Variants in KHDRBS2 observed in about 807,000 individuals in gnomAD.
The protein encoded by KHDRBS2 is KH RNA binding domain containing, signal transduction associated 2, also known as KH domain-containing, RNA-binding, signal transduction-associated protein 2.
A neutral mutation model predicts 44.3 loss-of-function variants in KHDRBS2; 26 were observed. That is an observed-to-expected ratio of 0.59 (90% CI 0.43 to 0.81). The LOEUF (loss-of-function observed/expected upper bound fraction) is 0.81. KHDRBS2 is among the 40% of genes least tolerant of loss of function. The probability of loss-of-function intolerance (pLI) is 0.00; values close to 1 mark genes in which losing one functional copy is unlikely to be tolerated. For missense variants in KHDRBS2, 476 were observed against 433.1 expected (o/e 1.10, Z -0.88); for synonymous variants, 194 against 151.1 (o/e 1.28, Z -2.08).
chr6:61,708,673 G>A (rs923764377), intron 7 of KHDRBS2, among the ~76,000 whole-genome samples: 2 of 151,482 alleles, frequency 1.3e-5, no homozygotes, highest in African/African-American at 4.8e-5. Context: ...CAAAATTAAC[G>A]AGTACACTAA....
At chr6:61,650,981 T>C in the KHDRBS2 span, among the ~76,000 whole-genome samples, 1 of 152,162 alleles carries the variant, frequency 6.6e-6, no homozygotes, top group African/African-American at 2.4e-5. Context: ...CTATTTCCAA[T>C]GTGTACATTC....
intron 2 of KHDRBS2, among the ~76,000 whole-genome samples, chr6:62,150,259 G>A (rs1375979472): frequency 6.6e-6 from 1 of 151,848 alleles, no homozygotes; most frequent in Non-Finnish European, 1.5e-5. Context: ...GCCACCATGT[G>A]GCTGGTGACA....
At chr6:61,790,057 A>T (rs533023649) in intron 6 of KHDRBS2, among the ~76,000 whole-genome samples, 1 of 151,488 alleles carries the variant, frequency 6.6e-6, no homozygotes, top group African/African-American at 2.4e-5. Context: ...TGACTCAGGC[A>T]TATAACCCCC....
chr6:62,116,411 A>T (rs1231922320), intron 2 of KHDRBS2, among the ~76,000 whole-genome samples: 1 of 152,088 alleles, frequency 6.6e-6, no homozygotes, highest in East Asian at 1.9e-4. Context: ...AATTCTGCAT[A>T]TAAATGAGTC....
At chr6:61,824,760 T>C (rs1184066829) in intron 6 of KHDRBS2, among the ~76,000 whole-genome samples, 2 of 152,196 alleles carry the variant, frequency 1.3e-5, no homozygotes, top group East Asian at 3.8e-4. Context: ...TTGTTATAGA[T>C]AACAGTATAA....
intron 6 of KHDRBS2, among the ~76,000 whole-genome samples, chr6:61,780,462 G>T (rs1292167099): frequency 6.6e-6 from 1 of 152,134 alleles, no homozygotes; most frequent in Non-Finnish European, 1.5e-5. Context: ...GTACACTTCA[G>T]CCTGGGCGAC....
intron 6 of KHDRBS2, among the ~76,000 whole-genome samples, chr6:61,856,713 G>A (rs772431630): frequency 4.6e-5 from 7 of 151,930 alleles, no homozygotes; most frequent in African/African-American, 1.2e-4. Context: ...TTGTAAAACC[G>A]TCATAGCCTG....
Position 62,062,951 on chromosome 6 carries a change from C to A in KHDRBS2, c.220-14957G>T, listed in dbSNP as rs1000535864. Among the ~76,000 whole-genome samples, 87 of 150,724 alleles carry A rather than the reference C, an allele frequency of 5.8e-4. 1 individual carries two copies. Among genetic ancestry groups the A allele is most frequent in the Non-Finnish European group, 1.1e-3 (75 of 67,456 alleles). ...ATAAAAAATGATAAAGGGGATATCA[C>A]CACCGATCCCACAGAAATACAAACT... On this transcript the variant is annotated intron_variant, in intron 2 of 8. Coordinates refer to ENST00000281156, the MANE Select transcript of KHDRBS2 (RefSeq NM_152688.4).
the KHDRBS2 span, among the ~76,000 whole-genome samples, chr6:61,545,501 C>CTCTGTGTGTGTGTGTGTGTGTG: frequency 6.7e-6 from 1 of 148,334 alleles, no homozygotes; most frequent in Non-Finnish European, 1.5e-5. Flanking sequence ...TAGCTAATCT[C>CTCTGTGTGTGTGTGTGTGTGTG]TGTGTGTGTG....
At chr6:62,006,323 T>C (rs1205513561) in intron 3 of KHDRBS2, among the ~76,000 whole-genome samples, 3 of 151,982 alleles carry the variant, frequency 2.0e-5, no homozygotes, top group Admixed American at 6.6e-5. Flanking sequence ...AAGTTATATA[T>C]GCAAAAATGA....
At chr6:62,172,975 T>C (rs936349649) in intron 2 of KHDRBS2, among the ~76,000 whole-genome samples, 1 of 151,758 alleles carries the variant, frequency 6.6e-6, no homozygotes, top group South Asian at 2.1e-4. Context: ...AATGCCCATA[T>C]CACATAACTA....
At chr6:61,883,096 T>A (rs1160455966) in intron 6 of KHDRBS2, among the ~76,000 whole-genome samples, 1 of 152,118 alleles carries the variant, frequency 6.6e-6, no homozygotes, top group East Asian at 1.9e-4. Context: ...GCATAGCTTT[T>A]TAGGAATATA....
chr6:61,765,849 G>C (rs1397601430), intron 6 of KHDRBS2, among the ~76,000 whole-genome samples: 2 of 152,072 alleles, frequency 1.3e-5, no homozygotes, highest in Non-Finnish European at 2.9e-5. Context: ...CATGATGAAT[G>C]ATCTTTTTAG....
chr6:61,939,503 C>T (rs1749556793), intron 4 of KHDRBS2, among the ~76,000 whole-genome samples: 1 of 151,878 alleles, frequency 6.6e-6, no homozygotes, highest in Non-Finnish European at 1.5e-5. Flanking sequence ...TGCTTGTCAG[C>T]AGTAGAATTT....
At chr6:62,133,173 T>G (rs7749735) in intron 2 of KHDRBS2, among the ~76,000 whole-genome samples, 1 of 152,092 alleles carries the variant, frequency 6.6e-6, no homozygotes, top group Non-Finnish European at 1.5e-5. Flanking sequence ...TTAGTGGGAA[T>G]GTAGATTGGT....
intron 6 of KHDRBS2, among the ~76,000 whole-genome samples, chr6:61,784,951 C>T (rs1783549900): frequency 6.6e-6 from 1 of 152,020 alleles, no homozygotes. Flanking sequence ...GAGTTTGAAA[C>T]TAGCCTGGGC....
At chr6:61,895,876 G>A (rs1334337296) in intron 5 of KHDRBS2, among the ~76,000 whole-genome samples, 3 of 152,172 alleles carry the variant, frequency 2.0e-5, no homozygotes, top group Non-Finnish European at 4.4e-5. Context: ...CAGTCAGATG[G>A]CTCTTTCTTG....
chr6:61,741,016 G>T (rs1308910062), intron 6 of KHDRBS2, among the ~76,000 whole-genome samples: 1 of 151,664 alleles, frequency 6.6e-6, no homozygotes, highest in Non-Finnish European at 1.5e-5. Context: ...AGGAAATGAG[G>T]GCACAAGGTC....
At chr6:62,078,308 GT>G (rs1796730583) in intron 2 of KHDRBS2, among the ~76,000 whole-genome samples, 1 of 151,898 alleles carries the variant, frequency 6.6e-6, no homozygotes, top group Non-Finnish European at 1.5e-5. Context: ...ATAATTGTGG[GT>G]TTTTTGGTGT....
Sources: allele counts gnomAD v4.1 joint callset (sites outside exome capture counted in the v4.1 genomes callset), GRCh38; gene constraint gnomAD v4.1.1; transcripts MANE v1.5; gene names NCBI Gene and HGNC (gene_info 2026-07-23, HGNC 2026-07-21).